The following FHIP2A variants were observed in gnomAD, a reference collection of about 807,000 sequenced individuals.
FHIP2A encodes the protein FHF complex subunit HOOK interacting protein 2A, also known as family with sequence similarity 160 member B1.
FHIP2A carries 46 observed loss-of-function variants against 93.5 expected under a neutral mutation model. The ratio of observed to expected loss-of-function variants is 0.49; its 90% CI spans 0.39 to 0.63. The LOEUF is 0.63. FHIP2A is among the 20% of genes least tolerant of loss of function. The pLI is 0.00. For synonymous variants in FHIP2A, 332 were observed against 326.5 expected (o/e 1.02, Z -0.18); for missense variants, 769 against 909.7 (o/e 0.85, Z 1.99).
chr10:114,822,121 G>C lies in FHIP2A; in HGVS notation c.43G>C (p.Ala15Pro). 1 of 1,333,582 alleles carries C rather than the reference G, an allele frequency of 7.5e-7. No homozygotes were observed. Among genetic ancestry groups the C allele is most frequent in the Non-Finnish European group, 9.8e-7 (1 of 1,020,170 alleles). 82.6% of individuals were successfully genotyped at this position (1,333,582 alleles called of 1,614,324 possible). A position where few individuals can be genotyped will look rare whatever the true frequency, so the allele number is the denominator to read the frequency against. Residue 15 changes from alanine (A) to proline (P), a missense_variant and splice_region_variant, in exon 1 of 17, where the codon GCG (alanine) becomes CCG (proline). Coordinates refer to ENST00000369248, the MANE Select transcript of FHIP2A (RefSeq NM_020940.4). Reference protein sequence around the residue: ...FTSILQHAVEALAPSLPLQED... With the variant: ...FTSILQHAVEPLAPSLPLQED... ...CTCCATCCTGCAGCACGCCGTGGAG[G>C]CGGTAAGGCCGCGGGCTGCGGGCGC...
intron 14 of FHIP2A, among the ~76,000 whole-genome samples, chr10:114,857,891 G>A (rs2083776420): frequency 6.6e-6 from 1 of 152,104 alleles, no homozygotes; most frequent in African/African-American, 2.4e-5. Flanking sequence ...AAATACTAAA[G>A]CCCATAGCAG....
chr10:114,866,471 A>G (rs2083829808), downstream of FHIP2A, among the ~76,000 whole-genome samples: 2 of 152,126 alleles, frequency 1.3e-5, no homozygotes, highest in African/African-American at 4.8e-5. Flanking sequence ...TTTCATTCAC[A>G]CTCACTACTC....
intron 5 of FHIP2A, 41 bp from the exon 6 acceptor site, chr10:114,842,892 G>T (rs1183137533): frequency 4.4e-6 from 6 of 1,365,196 alleles, no homozygotes; most frequent in Non-Finnish European, 6.0e-6. Flanking sequence ...GGCTTAAAAA[G>T]TTATTGATGT....
chr10:114,853,694 G>T (rs2083749543), intron 13 of FHIP2A, among the ~76,000 whole-genome samples: 1 of 152,158 alleles, frequency 6.6e-6, no homozygotes, highest in Non-Finnish European at 1.5e-5. Flanking sequence ...ATGTAAAAAT[G>T]ATTTCTTAAA....
chr10:114,884,083 G>A lies in FHIP2A; in HGVS notation c.2193-15407G>A, dbSNP rs79415956. Among the ~76,000 whole-genome samples, 1,170 of 152,234 alleles carry A rather than the reference G, an allele frequency of 7.7e-3. 10 individuals carry two copies. The highest frequency in any genetic ancestry group is 0.014 in the Middle Eastern group (4 of 294). On this transcript the variant is annotated intron_variant, in intron 16 of 16. Coordinates refer to the FHIP2A transcript ENST00000369250. ...TACGACCTGCCCTATCACTGAAATT[G>A]CGGTGGGGGTTCAATTGGGATACAC... is the stretch of plus-strand genomic sequence containing the variant.
At chr10:114,864,796 C>A (rs1309139163), downstream of FHIP2A, 5 of 655,116 alleles carry the variant, frequency 7.6e-6, no homozygotes, top group Admixed American at 6.3e-5. Flanking sequence ...ACTTTTTGCA[C>A]CCCCAGCACA....
At chr10:114,852,194 T>C (rs2083741286) in intron 13 of FHIP2A, among the ~76,000 whole-genome samples, 1 of 151,736 alleles carries the variant, frequency 6.6e-6, no homozygotes, top group South Asian at 2.1e-4. Flanking sequence ...GTCCACCATA[T>C]TATGATGTGG....
At chr10:114,891,134 T>C (rs1305565186) in intron 16 of FHIP2A, among the ~76,000 whole-genome samples, 2 of 151,296 alleles carry the variant, frequency 1.3e-5, no homozygotes, top group African/African-American at 4.9e-5. Flanking sequence ...TTCAAGGCTG[T>C]AGTGAGCTAT....
At chr10:114,899,643 C>T (rs1208764692) in exon 17 of FHIP2A, 1 of 638,990 alleles carries the variant, frequency 1.6e-6, no homozygotes, top group East Asian at 2.8e-5. Flanking sequence ...TGGCCCCAGG[C>T]TGATTGGCAG....
chr10:114,851,175 A>G (rs751320467), intron 13 of FHIP2A, among the ~76,000 whole-genome samples: 1 of 152,136 alleles, frequency 6.6e-6, no homozygotes, highest in Non-Finnish European at 1.5e-5. Context: ...TGGCCTCTCA[A>G]AGTGCTGGGA....
At chr10:114,871,872 G>A (rs919461369) in intron 16 of FHIP2A, among the ~76,000 whole-genome samples, 4 of 151,930 alleles carry the variant, frequency 2.6e-5, no homozygotes, top group Admixed American at 6.6e-5. Context: ...ACATTACCCC[G>A]GGAAGTTCTG....
At chr10:114,871,887 C>T (rs2083861881) in intron 16 of FHIP2A, among the ~76,000 whole-genome samples, 1 of 152,158 alleles carries the variant, frequency 6.6e-6, no homozygotes, top group Non-Finnish European at 1.5e-5. Flanking sequence ...GTTCTGTCAT[C>T]TCAGCTCACT....
chr10:114,830,281 T>A (rs2083600372), intron 1 of FHIP2A, among the ~76,000 whole-genome samples: 1 of 149,662 alleles, frequency 6.7e-6, no homozygotes, highest in Non-Finnish European at 1.5e-5. Context: ...TTTTTTTTTT[T>A]TTTTTTTTTG....
chr10:114,825,441 C>T (rs182681924), intron 1 of FHIP2A, among the ~76,000 whole-genome samples: 9 of 152,264 alleles, frequency 5.9e-5, no homozygotes, highest in East Asian at 5.8e-4. Flanking sequence ...CTACTTATAA[C>T]GTGAAAAATA....
chr10:114,838,918 A>T (rs1391496489), intron 5 of FHIP2A, among the ~76,000 whole-genome samples: 53 of 152,322 alleles, frequency 3.5e-4, no homozygotes, highest in Non-Finnish European at 1.2e-4. Context: ...GACTATTCAT[A>T]TGTGTTTAAT....
At chr10:114,899,524 C>T in exon 17 of FHIP2A, 1 of 718,454 alleles carries the variant, frequency 1.4e-6, no homozygotes, top group Non-Finnish European at 2.6e-6. Flanking sequence ...AGAGGGATTC[C>T]AGAGTCTCTT....
chr10:114,870,359 C>A (rs2083851352), intron 16 of FHIP2A, among the ~76,000 whole-genome samples: 1 of 151,000 alleles, frequency 6.6e-6, no homozygotes, highest in Non-Finnish European at 1.5e-5. Flanking sequence ...TGATCCCTGC[C>A]TCTTAACAAT....
chr10:114,833,390 G>A lies in FHIP2A; in HGVS notation c.282G>A (p.Leu94=). Residue 94 remains leucine, a synonymous_variant, in exon 3 of 17, where the codon TTG becomes TTA. Coordinates refer to ENST00000369248, the MANE Select transcript of FHIP2A (RefSeq NM_020940.4). The part of the protein sequence containing the change: ...HHKILETLYT[L]GKADCPPGMK... ...AGATCTTGGAAACATTATATACCTTGGGGAAAGCTGATGTAAGTTCCTGAT... is the reference window on the plus strand; with the variant it reads ...AGATCTTGGAAACATTATATACCTTAGGGAAAGCTGATGTAAGTTCCTGAT... 6.2e-7 allele frequency: 1 copy of A among 1,613,502 alleles called. No homozygotes were observed. The highest frequency in any genetic ancestry group is 1.7e-4 in the Middle Eastern group (1 of 6,058).
intron 12 of FHIP2A, 27 bp from the exon 13 acceptor site, chr10:114,848,620 G>A (rs772846647): frequency 7.5e-7 from 1 of 1,338,004 alleles, no homozygotes; most frequent in Non-Finnish European, 1.1e-6. Context: ...TGGACATCTT[G>A]CATAATTGTG....
Sources: allele counts gnomAD v4.1 joint callset (sites outside exome capture counted in the v4.1 genomes callset), GRCh38; gene constraint gnomAD v4.1.1; transcripts MANE v1.5; gene names NCBI Gene and HGNC (gene_info 2026-07-23, HGNC 2026-07-21).